Variants in C10orf143 observed in about 807,000 individuals in gnomAD.
C10orf143 encodes uncharacterized protein C10orf143.
rs1205376910 is a variant in C10orf143 at position 130,065,647 on chromosome 10, T to C, written c.298-1264A>G. Reference sequence around the variant, plus strand: ...CAGAATATTCCCAGAATCACATGTGTAGCAGGTATCCCTTTACAAAAGGAC... The same window carrying C: ...CAGAATATTCCCAGAATCACATGTGCAGCAGGTATCCCTTTACAAAAGGAC... On this transcript the variant is annotated intron_variant, in intron 3 of 3. Coordinates refer to ENST00000637128, the MANE Select transcript of C10orf143 (RefSeq NM_001355042.2). This position sits in a 1 kb window ranked among gnomAD's most constrained non-coding sequence, Gnocchi z 4.2. The C allele has an allele frequency of 2.6e-5, 4 of 152,262 alleles. No individual in the cohort carries two copies. The highest frequency in any genetic ancestry group is 9.6e-5 in the African/African-American group (4 of 41,464). 9.4% of individuals were successfully genotyped at this position (152,262 alleles called of 1,614,324 possible).
intron 3 of C10orf143, among the ~76,000 whole-genome samples, chr10:130,072,013 T>C (rs1285517266): frequency 3.4e-5 from 5 of 148,150 alleles, no homozygotes; most frequent in Admixed American, 6.7e-5. Flanking sequence ...TCCCACCTCC[T>C]AGAATTGATT....
At chr10:130,044,880 A>G (rs1397851721) in intron 3 of C10orf143, among the ~76,000 whole-genome samples, 1 of 152,114 alleles carries the variant, frequency 6.6e-6, no homozygotes, top group Non-Finnish European at 1.5e-5. Context: ...TACCAACAGC[A>G]ATGCCCAGCC....
At chr10:130,096,523 A>G (rs2134798501) in intron 1 of C10orf143, among the ~76,000 whole-genome samples, 2 of 143,846 alleles carry the variant, frequency 1.4e-5, no homozygotes, top group Middle Eastern at 7.0e-3. Flanking sequence ...TCACAATAGC[A>G]AAGACTTGGA....
chr10:130,066,392 T>C (rs1043936477), intron 3 of C10orf143: 3 of 149,058 alleles, frequency 2.0e-5, no homozygotes, highest in Non-Finnish European at 3.0e-5. Context: ...CAGGGTTTCA[T>C]CATGTTGTCC....
Position 130,078,790 on chromosome 10 carries a change from T to C in C10orf143, c.297+776A>G, listed in dbSNP as rs1721128516. Among the ~76,000 whole-genome samples the C allele has an allele frequency of 2.0e-5, 3 of 152,324 alleles. No individual in the cohort carries two copies. In the South Asian group the frequency reaches 6.2e-4, roughly 32 times the overall value. On this transcript the variant is annotated intron_variant, in intron 3 of 3. Transcript: ENST00000637128. ...TCCATAATTTATTGACTCAATCTTT[T>C]GCTTATCAAAAACAGCAATACATTT...
chr10:130,098,447 G>A (rs571085247), intron 1 of C10orf143, among the ~76,000 whole-genome samples: 1 of 152,330 alleles, frequency 6.6e-6, no homozygotes, highest in South Asian at 2.1e-4. Context: ...CACGCTGATG[G>A]CGTTTTCCCC....
chr10:130,094,647 G>A (rs1861435372), intron 1 of C10orf143, among the ~76,000 whole-genome samples: 1 of 152,164 alleles, frequency 6.6e-6, no homozygotes, highest in Non-Finnish European at 1.5e-5. Context: ...CTCAATAGAT[G>A]CAGAAAGGGC....
chr10:130,092,220 G>A (rs1861393955), intron 1 of C10orf143, among the ~76,000 whole-genome samples: 2 of 152,152 alleles, frequency 1.3e-5, no homozygotes, highest in South Asian at 2.1e-4. Context: ...AGATCTCTCA[G>A]CAGAAACCCT....
chr10:130,042,259 C>T, intron 3 of C10orf143, among the ~76,000 whole-genome samples: 1 of 152,244 alleles, frequency 6.6e-6, no homozygotes, highest in East Asian at 1.9e-4. Flanking sequence ...ATGGAACGAT[C>T]ATTCTGCAAA....
chr10:130,049,624 G>C (rs1317397552), intron 3 of C10orf143, among the ~76,000 whole-genome samples: 1 of 152,206 alleles, frequency 6.6e-6, no homozygotes, highest in Non-Finnish European at 1.5e-5. Context: ...CCTGATAAGG[G>C]AACCTACAGG....
chr10:130,063,676 G>T (rs1426477994), downstream of C10orf143, among the ~76,000 whole-genome samples: 1 of 152,200 alleles, frequency 6.6e-6, no homozygotes, highest in Non-Finnish European at 1.5e-5. Flanking sequence ...ATTCCCTGCA[G>T]ATAACGTGAT....
chr10:130,038,010 G>A lies in C10orf143; in HGVS notation c.298-2040C>T, dbSNP rs1002831611. On this transcript the variant is annotated intron_variant and NMD_transcript_variant, in intron 3 of 5. Transcript: ENST00000643056. ...TCTCATTTTTCCATGTACAGAGACCGTCTGGAGAGGGGCAGAAAAAGATTA... is the reference window on the plus strand; with the variant it reads ...TCTCATTTTTCCATGTACAGAGACCATCTGGAGAGGGGCAGAAAAAGATTA... Among the ~76,000 whole-genome samples the A allele has an allele frequency of 7.2e-5, 11 of 152,208 alleles. No homozygotes were observed. The East Asian group carries it at 1.2e-3, about 16-fold the overall frequency.
At chr10:130,084,412 G>A (rs1861257833) in intron 1 of C10orf143, among the ~76,000 whole-genome samples, 2 of 152,168 alleles carry the variant, frequency 1.3e-5, no homozygotes, top group Admixed American at 1.3e-4. Context: ...TAGTAAATGT[G>A]TTTATTACAG....
At chr10:130,043,307 G>A (rs538758614) in intron 3 of C10orf143, among the ~76,000 whole-genome samples, 2 of 152,212 alleles carry the variant, frequency 1.3e-5, no homozygotes, top group East Asian at 1.9e-4. Context: ...TGAAGAGAAC[G>A]CGTTAACATA....
At chr10:130,068,595 G>A (rs1457075357) in intron 3 of C10orf143, 1 of 81,968 alleles carries the variant, frequency 1.2e-5, no homozygotes, top group Admixed American at 2.1e-4. Flanking sequence ...TGGGCAACGA[G>A]AGCAAAACTC....
chr10:130,058,765 T>C (rs1860823271), intron 3 of C10orf143, among the ~76,000 whole-genome samples: 1 of 152,098 alleles, frequency 6.6e-6, no homozygotes, highest in African/African-American at 2.4e-5. Flanking sequence ...AGCTACCCCT[T>C]ATCCTGCAAT....
chr10:130,103,650 G>A (rs1404097271), intron 1 of C10orf143, among the ~76,000 whole-genome samples: 3 of 150,864 alleles, frequency 2.0e-5, no homozygotes, highest in Non-Finnish European at 4.4e-5. Flanking sequence ...CTACAAAAAA[G>A]TTTTAAAAAA....
chr10:130,106,936 A>G (rs1270580165), intron 1 of C10orf143: 1 of 1,001,870 alleles, frequency 1.0e-6, no homozygotes, highest in Middle Eastern at 2.1e-4. Context: ...ACAGTGAATC[A>G]GAAGATGGTG....
chr10:130,046,600 AGATCAAAT>A (rs1475552771), intron 3 of C10orf143, among the ~76,000 whole-genome samples: 2 of 152,240 alleles, frequency 1.3e-5, no homozygotes, highest in African/African-American at 4.8e-5. Flanking sequence ...AATCAAAAAT[AGATCAAAT>A]GGTGGTGGTC....
Sources: gnomAD v4.1 joint callset for allele counts (sites outside exome capture counted in the v4.1 genomes callset) on GRCh38, gnomAD v4.1.1 for gene constraint, Gnocchi (gnomAD v3.1) non-coding constraint, MANE v1.5 for transcripts, NCBI Gene and HGNC (gene_info 2026-07-23, HGNC 2026-07-21) for gene names.